The following BCL2 variants were observed in gnomAD, a reference collection of about 807,000 sequenced individuals.
BCL2 encodes apoptosis regulator Bcl-2.
A neutral mutation model predicts 14.2 loss-of-function variants in BCL2; 1 was observed. That is an observed-to-expected ratio of 0.07 (90% CI 0.02 to 0.33). The LOEUF (loss-of-function observed/expected upper bound fraction) is 0.33. BCL2 is among the 10% of genes least tolerant of loss of function. The pLI, the probability that BCL2 is intolerant of heterozygous loss-of-function variation, is 0.99. For missense variants in BCL2, 247 were observed against 305.9 expected, an observed-to-expected ratio of 0.81 and a Z score of 1.44; for synonymous variants, 151 against 137.2, an observed-to-expected ratio of 1.10 and a Z score of -0.70.
chr18:63,132,754 G>A (rs1006114636), intron 2 of BCL2, among the ~76,000 whole-genome samples: 3 of 152,160 alleles, frequency 2.0e-5, no homozygotes, highest in Non-Finnish European at 2.9e-5. Flanking sequence ...GGCGATTTCC[G>A]AAGTCTGTTT....
At chr18:63,237,911 CAG>C (rs1910886188) in intron 2 of BCL2, among the ~76,000 whole-genome samples, 1 of 151,278 alleles carries the variant, frequency 6.6e-6, no homozygotes, top group Non-Finnish European at 1.5e-5. Flanking sequence ...ATCAAGAATA[CAG>C]AGTTTCAAAA....
intron 2 of BCL2, among the ~76,000 whole-genome samples, chr18:63,171,869 T>C (rs985912151): frequency 1.3e-5 from 2 of 152,110 alleles, no homozygotes; most frequent in South Asian, 2.1e-4. Flanking sequence ...TAGTCCCACA[T>C]ACTCATGAGG....
At chr18:63,154,339 T>C (rs917360397) in intron 2 of BCL2, among the ~76,000 whole-genome samples, 1 of 152,142 alleles carries the variant, frequency 6.6e-6, no homozygotes, top group African/African-American at 2.4e-5. Flanking sequence ...CAACCGATCT[T>C]CCCTCATCTT....
At chr18:63,211,694 G>A (rs1456443574) in intron 2 of BCL2, among the ~76,000 whole-genome samples, 1 of 152,186 alleles carries the variant, frequency 6.6e-6, no homozygotes, top group Non-Finnish European at 1.5e-5. Context: ...TGTTGTTGCT[G>A]TGTAGTTCTT....
At chr18:63,162,597 A>G (rs965399791) in intron 2 of BCL2, among the ~76,000 whole-genome samples, 6 of 151,418 alleles carry the variant, frequency 4.0e-5, no homozygotes, top group African/African-American at 1.5e-4. Flanking sequence ...CCTATTTTCT[A>G]TTAAACCAAA....
chr18:63,181,048 A>G (rs1568226346), intron 2 of BCL2, among the ~76,000 whole-genome samples: 2 of 152,226 alleles, frequency 1.3e-5, no homozygotes, highest in African/African-American at 4.8e-5. Context: ...CTCATGGCTC[A>G]CGACGGAGGC....
At chr18:63,315,500 A>T (rs763183361) in intron 2 of BCL2, 2 of 152,242 alleles carry the variant, frequency 1.3e-5, no homozygotes, top group Non-Finnish European at 2.9e-5. Context: ...TTCTACGAGC[A>T]GCAGCAAAGA....
At chr18:63,216,276 A>AC (rs1415808793) in intron 2 of BCL2, among the ~76,000 whole-genome samples, 1 of 151,938 alleles carries the variant, frequency 6.6e-6, no homozygotes, top group Non-Finnish European at 1.5e-5. Flanking sequence ...CAAAGTGCTG[A>AC]CCCCCAGCAA....
chr18:63,243,534 T>A (rs573334329), intron 2 of BCL2, among the ~76,000 whole-genome samples: 4 of 152,116 alleles, frequency 2.6e-5, no homozygotes, highest in Admixed American at 1.3e-4. Context: ...AATTTAAAAA[T>A]AAAAATTAAC....
intron 2 of BCL2, among the ~76,000 whole-genome samples, chr18:63,210,252 G>T (rs1909962931): frequency 6.6e-6 from 1 of 152,218 alleles, no homozygotes; most frequent in African/African-American, 2.4e-5. Flanking sequence ...CAGTACAAGG[G>T]ACGAAAAGCA....
chr18:63,186,320 C>T (rs140429860), intron 2 of BCL2, among the ~76,000 whole-genome samples: 22 of 152,278 alleles, frequency 1.4e-4, no homozygotes, highest in African/African-American at 2.9e-4. Flanking sequence ...TACCACACAA[C>T]GCTTAATATT....
rs1390347465 is a variant in BCL2, at chr18:63,318,796, G to A, written c.-130C>T. On this transcript the variant is annotated 5_prime_UTR_variant, in exon 2 of 3. Coordinates refer to ENST00000333681, the MANE Select transcript of BCL2 (RefSeq NM_000633.3). The surrounding 1 kb of genome is among the most constrained non-coding windows in gnomAD (Gnocchi z 7.4). ...GGATGTGCTTTGCATTCTTGGACGA[G>A]GGGGTGTCTTCAATCACGCGGAACA... is the stretch of plus-strand genomic sequence containing the variant. 13 of 1,477,362 alleles carry A rather than the reference G, an allele frequency of 8.8e-6. No homozygotes were observed. The highest frequency in any genetic ancestry group is 1.2e-5 in the Non-Finnish European group (13 of 1,114,524). 91.5% of individuals were successfully genotyped at this position (1,477,362 alleles called of 1,614,324 possible).
chr18:63,128,192 T>C lies in BCL2; in HGVS notation c.*433A>G, dbSNP rs1038545651. ...GCAGCCAGAAAGCCAGCTTCCCCAA[T>C]GATCAGGTCCTTTTTCCATCCGTCT... is the stretch of plus-strand genomic sequence containing the variant. On this transcript the variant is annotated 3_prime_UTR_variant, in exon 3 of 3. Coordinates refer to ENST00000333681, the MANE Select transcript of BCL2 (RefSeq NM_000633.3). The C allele has an allele frequency of 6.9e-5, 16 of 232,812 alleles. No individual in the cohort carries two copies. In the Admixed American group the frequency reaches 7.3e-4, roughly 11 times the overall value. The allele number at this position is 232,812 out of a possible 1,614,324, so 14.4% of individuals were successfully genotyped here. A position where few individuals can be genotyped will look rare whatever the true frequency, so the allele number is the denominator to read the frequency against.
intron 2 of BCL2, among the ~76,000 whole-genome samples, chr18:63,288,802 G>C (rs1005302963): frequency 1.3e-5 from 2 of 152,072 alleles, no homozygotes; most frequent in Non-Finnish European, 2.9e-5. Context: ...AAAGCTAATA[G>C]TATTTACAAT....
chr18:63,303,995 T>C (rs1913043551), intron 2 of BCL2, among the ~76,000 whole-genome samples: 1 of 152,230 alleles, frequency 6.6e-6, no homozygotes, highest in Non-Finnish European at 1.5e-5. Flanking sequence ...GGTACAACAC[T>C]GTTTTCAACT....
intron 2 of BCL2, among the ~76,000 whole-genome samples, chr18:63,210,610 C>T (rs1909971850): frequency 6.6e-6 from 1 of 152,184 alleles, no homozygotes; most frequent in Admixed American, 6.5e-5. Flanking sequence ...AGAAACTGAA[C>T]TTCTAACGAA....
chr18:63,281,680 GAAAGAA>G (rs1912314962), intron 2 of BCL2, among the ~76,000 whole-genome samples: 1 of 52,238 alleles, frequency 1.9e-5, no homozygotes, highest in African/African-American at 4.4e-5. Flanking sequence ...AAGAAAGAAA[GAAAGAA>G]AGAAAGAAAG....
intron 2 of BCL2, among the ~76,000 whole-genome samples, chr18:63,253,909 CTT>C (rs34470267): frequency 1.4e-5 from 2 of 144,706 alleles, no homozygotes; most frequent in African/African-American, 5.0e-5. Context: ...TGAATGTTGT[CTT>C]TTTTTTTTTT....
intron 2 of BCL2, among the ~76,000 whole-genome samples, chr18:63,261,676 A>G (rs1299071454): frequency 6.6e-6 from 1 of 152,114 alleles, no homozygotes; most frequent in Non-Finnish European, 1.5e-5. Flanking sequence ...GTGGTTATAC[A>G]TTTTCTGAAA....
Sources: allele counts gnomAD v4.1 joint callset (sites outside exome capture counted in the v4.1 genomes callset), GRCh38; gene constraint gnomAD v4.1.1; non-coding constraint Gnocchi (gnomAD v3.1); transcripts MANE v1.5; gene names NCBI Gene and HGNC (gene_info 2026-07-23, HGNC 2026-07-21).